The following TMEM9 variants were observed in gnomAD, a reference collection of about 807,000 sequenced individuals.
The protein encoded by TMEM9 is transmembrane protein 9.
In TMEM9, 13 loss-of-function variants were observed where a neutral mutation model predicts 22.8. That is an observed-to-expected ratio of 0.57 (90% CI 0.37 to 0.91). The LOEUF (loss-of-function observed/expected upper bound fraction) is 0.91. Among genes scored for constraint, TMEM9 ranks in the 40% least tolerant of loss-of-function variants. The pLI is 0.01. For synonymous variants in TMEM9, 88 were observed against 93.0 expected, an observed-to-expected ratio of 0.95 and a Z score of 0.31; for missense variants, 182 against 238.1, an observed-to-expected ratio of 0.76 and a Z score of 1.55.
At chr1:201,138,301 C>T (rs1295705923) in intron 4 of TMEM9, among the ~76,000 whole-genome samples, 1 of 152,206 alleles carries the variant, frequency 6.6e-6, no homozygotes, top group Non-Finnish European at 1.5e-5. Flanking sequence ...TTTGTTTTCC[C>T]TTCATGTAAA....
chr1:201,158,416 G>A (rs896606383), upstream of TMEM9, among the ~76,000 whole-genome samples: 1 of 149,834 alleles, frequency 6.7e-6, no homozygotes, highest in Non-Finnish European at 1.5e-5. Context: ...GGGTGATGGT[G>A]AGGAGGGCAT....
At chr1:201,144,056 G>T in intron 3 of TMEM9, 105 bp from the exon 4 acceptor site, 1 of 1,328,482 alleles carries the variant, frequency 7.5e-7, no homozygotes, top group Non-Finnish European at 1.0e-6. Flanking sequence ...GACTCCTCAA[G>T]TGGTGCACTA....
At chr1:201,158,602 T>TGAGCCAGGAGG (rs1665864015), upstream of TMEM9, among the ~76,000 whole-genome samples, 1 of 152,108 alleles carries the variant, frequency 6.6e-6, no homozygotes, top group African/African-American at 2.4e-5. Flanking sequence ...AGTCAGAATG[T>TGAGCCAGGAGG]GAGCCAGGAG....
chr1:201,165,359 G>GA (rs1386379760), intron 1 of TMEM9, among the ~76,000 whole-genome samples: 18 of 151,198 alleles, frequency 1.2e-4, no homozygotes, highest in African/African-American at 3.9e-4. Flanking sequence ...GGTGAATACA[G>GA]AAAAAAGAGA....
upstream of TMEM9, among the ~76,000 whole-genome samples, chr1:201,154,863 A>G (rs1283262088): frequency 6.6e-6 from 1 of 152,118 alleles, no homozygotes; most frequent in Non-Finnish European, 1.5e-5. Flanking sequence ...TTAGGGATCC[A>G]CGTCTTTGCT....
At chr1:201,164,175 C>A (rs1201849610) in intron 1 of TMEM9, among the ~76,000 whole-genome samples, 1 of 152,162 alleles carries the variant, frequency 6.6e-6, no homozygotes, top group Non-Finnish European at 1.5e-5. Context: ...TATATAAATT[C>A]TTGAAATGGC....
chr1:201,166,850 C>T (rs1666090950), intron 1 of TMEM9, among the ~76,000 whole-genome samples: 1 of 152,106 alleles, frequency 6.6e-6, no homozygotes, highest in African/African-American at 2.4e-5. Flanking sequence ...GTCTAGGAGC[C>T]AGGAACCCTG....
chr1:201,154,889 C>CGCG (rs974704830), upstream of TMEM9, among the ~76,000 whole-genome samples: 10 of 152,240 alleles, frequency 6.6e-5, no homozygotes, highest in African/African-American at 2.2e-4. Context: ...AGACTTTCTG[C>CGCG]GCGGCAACGT....
intron 1 of TMEM9, among the ~76,000 whole-genome samples, chr1:201,166,416 G>A (rs1212290603): frequency 6.6e-6 from 1 of 150,734 alleles, no homozygotes. Flanking sequence ...GGCTAGAAAT[G>A]CAGTGGCATG....
rs1191376738 is a variant in TMEM9, at chr1:201,151,869, A to G, written c.67-17T>C. 7.5e-6 allele frequency: 12 copies of G among 1,603,998 alleles called. No homozygotes were observed. In the East Asian group the frequency reaches 2.5e-4, roughly 33 times the overall value. Reference sequence around the variant, plus strand: ...TTCAGAACTCTGGAAAAGAAAGCACATGTCAAGTATGCAGAGACCCTGCCT... The same window carrying G: ...TTCAGAACTCTGGAAAAGAAAGCACGTGTCAAGTATGCAGAGACCCTGCCT... On this transcript the variant is annotated splice_polypyrimidine_tract_variant and intron_variant, in intron 1 of 4. Transcript: ENST00000367330.
intron 1 of TMEM9, among the ~76,000 whole-genome samples, chr1:201,170,937 G>T (rs1284212473): frequency 1.3e-5 from 2 of 152,234 alleles, no homozygotes. Flanking sequence ...GTGGGAGGTG[G>T]CGTCCCGCAG....
intron 1 of TMEM9, among the ~76,000 whole-genome samples, chr1:201,170,382 G>A (rs927144304): frequency 1.3e-5 from 2 of 152,160 alleles, no homozygotes; most frequent in African/African-American, 4.8e-5. Context: ...TTCCATTTAT[G>A]ACAGCACATC....
At chr1:201,162,935 T>C (rs1665984271) in intron 1 of TMEM9, among the ~76,000 whole-genome samples, 1 of 152,162 alleles carries the variant, frequency 6.6e-6, no homozygotes. Context: ...AGGATATACA[T>C]ATGGCAAATA....
chr1:201,165,150 T>TTATATCTATATATATATATA (rs1666040515), intron 1 of TMEM9, among the ~76,000 whole-genome samples: 1 of 87,090 alleles, frequency 1.1e-5, no homozygotes, highest in Non-Finnish European at 2.6e-5. Flanking sequence ...TAAGAGAAAA[T>TTATATCTATATATATATATA]TATATATATA....
At chr1:201,159,575 C>CTTTTTTT (rs35944174) in intron 1 of TMEM9, among the ~76,000 whole-genome samples, 1 of 133,716 alleles carries the variant, frequency 7.5e-6, no homozygotes, top group African/African-American at 2.8e-5. Flanking sequence ...GCAATTAAAC[C>CTTTTTTT]TTTTTTTTTT....
intron 2 of TMEM9, among the ~76,000 whole-genome samples, chr1:201,148,219 A>C (rs1351621117): frequency 6.6e-6 from 1 of 152,160 alleles, no homozygotes; most frequent in Non-Finnish European, 1.5e-5. Context: ...GCATCTCCAT[A>C]GTGGTAGTGA....
At chr1:201,144,109 C>A (rs953546481) in intron 3 of TMEM9, 158 bp from the exon 4 acceptor site, 3 of 723,390 alleles carry the variant, frequency 4.1e-6, no homozygotes, top group Non-Finnish European at 6.8e-6. Flanking sequence ...GGAAAGCATG[C>A]CCAGAAAGGA....
intron 3 of TMEM9, chr1:201,146,465 G>T (rs1664979293): frequency 3.7e-6 from 2 of 537,514 alleles, no homozygotes; most frequent in Non-Finnish European, 6.7e-6. Flanking sequence ...GAAATAAACT[G>T]TAAAGAATGC....
At chr1:201,170,299 C>T (rs904262627) in intron 1 of TMEM9, among the ~76,000 whole-genome samples, 12 of 152,292 alleles carry the variant, frequency 7.9e-5, no homozygotes, top group African/African-American at 2.4e-4. Context: ...TGTCATCCCC[C>T]AAGATGAAAT....
Sources: gnomAD v4.1 joint callset for allele counts (sites outside exome capture counted in the v4.1 genomes callset) on GRCh38, gnomAD v4.1.1 for gene constraint, MANE v1.5 for transcripts, NCBI Gene and HGNC (gene_info 2026-07-23, HGNC 2026-07-21) for gene names.